The following TRPM3 variants were observed in gnomAD, a reference collection of about 807,000 sequenced individuals.
The protein encoded by TRPM3 is long transient receptor potential channel 3.
A neutral mutation model predicts 181.2 loss-of-function variants in TRPM3; 77 were observed. The ratio of observed to expected loss-of-function variants is 0.42; its 90% CI spans 0.35 to 0.51. The LOEUF (loss-of-function observed/expected upper bound fraction) is 0.51, where lower values mean the gene tolerates loss of function less well. Ranked by LOEUF, TRPM3 falls within the 20% of genes least tolerant of loss-of-function variation. The pLI, the probability that TRPM3 is intolerant of heterozygous loss-of-function variation, is 0.01. For missense variants in TRPM3, 1,759 were observed against 2,196.7 expected (o/e 0.80, Z 3.98); for synonymous variants, 745 against 796.4 (o/e 0.94, Z 1.09).
chr9:71,232,659 C>A (rs575483774), intron 1 of TRPM3, among the ~76,000 whole-genome samples: 1 of 151,898 alleles, frequency 6.6e-6, no homozygotes, highest in African/African-American at 2.4e-5. Context: ...TGCCACCACA[C>A]CCAGCTAATT....
chr9:70,679,755 AAC>A (rs2064965676), intron 9 of TRPM3, among the ~76,000 whole-genome samples: 1 of 152,376 alleles, frequency 6.6e-6, no homozygotes, highest in East Asian at 1.9e-4. Context: ...GAATGCATCC[AAC>A]ACAGTGTTTG....
intron 1 of TRPM3, among the ~76,000 whole-genome samples, chr9:70,876,822 C>T (rs748018052): frequency 6.6e-5 from 10 of 151,924 alleles, no homozygotes; most frequent in Admixed American, 4.6e-4. Flanking sequence ...ATCATTTTTC[C>T]CCTTTAATTA....
chr9:71,204,777 G>A (rs556200897), intron 1 of TRPM3, among the ~76,000 whole-genome samples: 15 of 151,694 alleles, frequency 9.9e-5, no homozygotes, highest in African/African-American at 2.4e-4. Context: ...TGTTTATTGC[G>A]GCACTATTCA....
At chr9:71,119,256 CTT>C (rs1056742295) in intron 1 of TRPM3, among the ~76,000 whole-genome samples, 1 of 152,094 alleles carries the variant, frequency 6.6e-6, no homozygotes, top group Admixed American at 6.5e-5. Flanking sequence ...TCCATCCTGT[CTT>C]TTAGATATTG....
At chr9:70,957,549 T>G (rs979692194) in intron 1 of TRPM3, among the ~76,000 whole-genome samples, 4 of 151,948 alleles carry the variant, frequency 2.6e-5, no homozygotes, top group Non-Finnish European at 5.9e-5. Flanking sequence ...TACCTCATAT[T>G]TTTTTTTGAA....
intron 1 of TRPM3, among the ~76,000 whole-genome samples, chr9:71,100,126 C>A (rs901267325): frequency 5.9e-5 from 9 of 152,034 alleles, no homozygotes; most frequent in African/African-American, 1.4e-4. Flanking sequence ...AAAATAAATT[C>A]TTTTCTGATT....
intron 8 of TRPM3, among the ~76,000 whole-genome samples, 196 bp from the exon 9 acceptor site, chr9:70,681,774 A>C (rs1225913300): frequency 6.6e-6 from 1 of 152,190 alleles, no homozygotes; most frequent in Non-Finnish European, 1.5e-5. Flanking sequence ...AGTAGTTTCC[A>C]AACACAGACC....
In TRPM3 at chr9:70,615,918, A is replaced by G; in HGVS notation, c.2516T>C (p.Met839Thr). Residue 839 changes from methionine to threonine, a missense_variant, in exon 18 of 26, where the codon ATG becomes ACG. Around this residue, in one of 8 missense-constraint regions of TRPM3, gnomAD observed 114 missense variants for 134.8 expected, o/e 0.85. Transcript: ENST00000677713. Reference protein sequence around the residue: ...KPTKEKEEEDMELTAMLGRNN... With the variant: ...KPTKEKEEEDTELTAMLGRNN... ...GCAATGTTTTCTTACTGTGAGCTCC[A>G]TGTCCTCTTCCTCTTTTTCCTTTGT... 1 of 1,603,044 alleles carries G rather than the reference A, an allele frequency of 6.2e-7. No individual in the cohort carries two copies. Among genetic ancestry groups the G allele is most frequent in the South Asian group, 1.1e-5 (1 of 88,266 alleles).
intron 1 of TRPM3, among the ~76,000 whole-genome samples, chr9:70,867,483 C>T (rs558864650): frequency 6.6e-6 from 1 of 152,092 alleles, no homozygotes; most frequent in African/African-American, 2.4e-5. Context: ...ACTTAATTAC[C>T]TTCTCAAAGG....
chr9:71,387,886 C>T (rs917924320), intron 1 of TRPM3, among the ~76,000 whole-genome samples: 3 of 152,070 alleles, frequency 2.0e-5, no homozygotes, highest in African/African-American at 7.2e-5. Context: ...ACGTATATAA[C>T]TTTTCTATTA....
intron 1 of TRPM3, among the ~76,000 whole-genome samples, chr9:71,416,019 T>C (rs1243292828): frequency 2.0e-5 from 3 of 151,698 alleles, no homozygotes; most frequent in Non-Finnish European, 4.4e-5. Flanking sequence ...AATTTTTTTT[T>C]TTTTTTTACT....
intron 1 of TRPM3, among the ~76,000 whole-genome samples, chr9:71,310,284 A>G (rs962700234): frequency 5.9e-5 from 9 of 152,104 alleles, no homozygotes; most frequent in Admixed American, 3.9e-4. Flanking sequence ...CAGGAAAAAA[A>G]AACCCAAAAT....
intron 1 of TRPM3, among the ~76,000 whole-genome samples, chr9:71,399,615 A>ACCT (rs1276226842): frequency 3.0e-5 from 4 of 133,664 alleles, no homozygotes; most frequent in African/African-American, 1.1e-4. Flanking sequence ...TGCAAGCTCC[A>ACCT]CCTCCTGGGT....
intron 1 of TRPM3, among the ~76,000 whole-genome samples, chr9:71,410,679 A>G (rs2093530282): frequency 6.6e-6 from 1 of 152,218 alleles, no homozygotes; most frequent in Non-Finnish European, 1.5e-5. Flanking sequence ...TACCAGAGGT[A>G]CAAAAAGGAG....
intron 22 of TRPM3, among the ~76,000 whole-genome samples, chr9:70,569,536 T>C (rs1478245491): frequency 6.6e-6 from 1 of 152,168 alleles, no homozygotes; most frequent in African/African-American, 2.4e-5. Flanking sequence ...CTCTAACTGG[T>C]CCCAGATTAT....
At chr9:71,264,323 C>T (rs2083247975) in intron 1 of TRPM3, among the ~76,000 whole-genome samples, 1 of 152,118 alleles carries the variant, frequency 6.6e-6, no homozygotes, top group Non-Finnish European at 1.5e-5. Flanking sequence ...AAGCAGATCG[C>T]ACCTCCCCTC....
intron 25 of TRPM3, among the ~76,000 whole-genome samples, chr9:70,538,715 C>T (rs758297543): frequency 1.3e-5 from 2 of 152,098 alleles, no homozygotes; most frequent in Admixed American, 1.3e-4. Flanking sequence ...GGTGTGAACC[C>T]TGGAAATTCT....
chr9:70,956,317 T>TTG, intron 1 of TRPM3, among the ~76,000 whole-genome samples: 1 of 139,224 alleles, frequency 7.2e-6, no homozygotes, highest in Non-Finnish European at 1.6e-5. Context: ...TTTTTTTTTT[T>TTG]TGCCTTAGAA....
intron 1 of TRPM3, among the ~76,000 whole-genome samples, chr9:71,405,603 CAG>C (rs2093422839): frequency 6.6e-6 from 1 of 152,176 alleles, no homozygotes; most frequent in Admixed American, 6.5e-5. Flanking sequence ...TCTTGAAGCT[CAG>C]AGAGTCCTGT....
Sources: gnomAD v4.1 joint callset for allele counts (sites outside exome capture counted in the v4.1 genomes callset) on GRCh38, gnomAD v4.1.1 for gene constraint, gnomAD v4.1.1 regional missense constraint, MANE v1.5 for transcripts, NCBI Gene and HGNC (gene_info 2026-07-23, HGNC 2026-07-21) for gene names.